ADAMTSL1: variants seen among roughly 807,000 people sequenced by gnomAD.
ADAMTSL1 encodes the protein ADAMTS like 1, also known as ADAMTS-like protein 1.
A neutral mutation model predicts 201.8 loss-of-function variants in ADAMTSL1; 126 were observed. That is an observed-to-expected ratio of 0.62 (90% CI 0.54 to 0.72). The LOEUF (loss-of-function observed/expected upper bound fraction) is 0.72, where lower values mean the gene tolerates loss of function less well. Ranked by LOEUF, ADAMTSL1 falls within the 30% of genes least tolerant of loss-of-function variation. The pLI is 0.00. For synonymous variants in ADAMTSL1, 1,121 were observed against 903.4 expected, an observed-to-expected ratio of 1.24 and a Z score of -4.32; for missense variants, 2,679 against 2,277.8, an observed-to-expected ratio of 1.18 and a Z score of -3.59.
At chr9:18,657,339 A>C (rs1828753387) in intron 7 of ADAMTSL1, among the ~76,000 whole-genome samples, 1 of 152,270 alleles carries the variant, frequency 6.6e-6, no homozygotes, top group Non-Finnish European at 1.5e-5. Flanking sequence ...TTGGAAATAA[A>C]GGACGGAAAG....
At chr9:18,882,117 C>T (rs911448361) in intron 23 of ADAMTSL1, among the ~76,000 whole-genome samples, 1 of 152,164 alleles carries the variant, frequency 6.6e-6, no homozygotes, top group Non-Finnish European at 1.5e-5. Flanking sequence ...CCATAGTGAC[C>T]AACCTAGGGG....
intron 3 of ADAMTSL1, among the ~76,000 whole-genome samples, chr9:18,570,911 T>TA (rs1420512167): frequency 6.6e-6 from 1 of 152,220 alleles, no homozygotes; most frequent in Non-Finnish European, 1.5e-5. Context: ...TAACAGGTGT[T>TA]CCTGAAGCCA....
At position 18,343,669 on chromosome 9, in the gene ADAMTSL1, A is replaced by T. The variant is rs74827873; in HGVS notation, c.208-161160A>T. On this transcript the variant is annotated intron_variant, in intron 2 of 29. Coordinates refer to the ADAMTSL1 transcript ENST00000680146. ...TTGGATAAAGAATGAGGAGATGAAAACTTATTTCAGAGCTTTGTACAGTAC... is the reference window on the plus strand; with the variant it reads ...TTGGATAAAGAATGAGGAGATGAAATCTTATTTCAGAGCTTTGTACAGTAC... Among the ~76,000 whole-genome samples, 867 of 152,188 alleles carry T rather than the reference A, an allele frequency of 5.7e-3. 9 individuals are homozygous for T. Among genetic ancestry groups the T allele is most frequent in the African/African-American group, 0.019 (801 of 41,540 alleles).
chr9:18,281,700 A>G (rs1832796289), intron 2 of ADAMTSL1, among the ~76,000 whole-genome samples: 2 of 152,184 alleles, frequency 1.3e-5, no homozygotes, highest in South Asian at 4.1e-4. Flanking sequence ...TTCCGGGACC[A>G]TTGTTTGTGT....
At chr9:17,930,052 A>G (rs561310484) in intron 1 of ADAMTSL1, among the ~76,000 whole-genome samples, 34 of 152,338 alleles carry the variant, frequency 2.2e-4, no homozygotes, top group Non-Finnish European at 4.6e-4. Flanking sequence ...TGTATACATT[A>G]TTAATTACAG....
At chr9:18,541,935 A>G (rs1335876397) in intron 3 of ADAMTSL1, among the ~76,000 whole-genome samples, 3 of 152,202 alleles carry the variant, frequency 2.0e-5, no homozygotes, top group Admixed American at 6.5e-5. Context: ...AAAAGTTTAA[A>G]AAAGCAAATT....
rs181343889 is a variant in ADAMTSL1 at position 18,688,551 on chromosome 9, G to A, written c.1574+3751G>A. 4.4e-3 allele frequency among the ~76,000 whole-genome samples: 648 copies of A among 145,908 alleles called. 3 individuals are homozygous for A. Among genetic ancestry groups the A allele is most frequent in the African/African-American group, 0.016 (619 of 39,510 alleles). ...GGCATGGTGGTGTGTGCCTATATTC[G>A]CAGCTACTCAGGAGTCTGCGGCTGG... On this transcript the variant is annotated intron_variant, in intron 13 of 28. Transcript: ENST00000380548.
intron 1 of ADAMTSL1, among the ~76,000 whole-genome samples, chr9:18,012,671 A>G (rs1035589895): frequency 1.3e-5 from 2 of 152,006 alleles, no homozygotes; most frequent in Non-Finnish European, 2.9e-5. Context: ...TGTGGTGGGT[A>G]TTAGGAAGGA....
At chr9:17,925,920 G>A (rs1442200959) in intron 1 of ADAMTSL1, among the ~76,000 whole-genome samples, 2 of 151,464 alleles carry the variant, frequency 1.3e-5, no homozygotes, top group African/African-American at 2.4e-5. Context: ...TGGAGAATAC[G>A]TGCTGCTCAA....
chr9:18,508,030 C>G (rs1817789571), intron 2 of ADAMTSL1, among the ~76,000 whole-genome samples: 1 of 151,916 alleles, frequency 6.6e-6, no homozygotes, highest in Non-Finnish European at 1.5e-5. Context: ...ACTAAAAATG[C>G]AAAAATTAGC....
chr9:18,244,538 C>T (rs1263436560), intron 2 of ADAMTSL1, among the ~76,000 whole-genome samples: 1 of 152,030 alleles, frequency 6.6e-6, no homozygotes, highest in African/African-American at 2.4e-5. Flanking sequence ...ACATTCTTGT[C>T]CTTGCTTCCT....
chr9:18,682,678 A>G (rs1437316101), intron 12 of ADAMTSL1, among the ~76,000 whole-genome samples: 1 of 152,070 alleles, frequency 6.6e-6, no homozygotes, highest in Non-Finnish European at 1.5e-5. Context: ...AACTCTTTAA[A>G]CCCCCTTTAA....
At chr9:18,248,147 T>C (rs557780460) in intron 2 of ADAMTSL1, among the ~76,000 whole-genome samples, 3 of 152,132 alleles carry the variant, frequency 2.0e-5, no homozygotes, top group Non-Finnish European at 2.9e-5. Flanking sequence ...GCTTTGAACA[T>C]TGCTAGATGC....
chr9:18,315,287 A>C (rs983960522), intron 2 of ADAMTSL1, among the ~76,000 whole-genome samples: 3 of 152,010 alleles, frequency 2.0e-5, no homozygotes, highest in Non-Finnish European at 2.9e-5. Context: ...TCAAGTCCCC[A>C]CCTGACTCAG....
At chr9:18,110,409 A>G (rs75858256) in intron 1 of ADAMTSL1, among the ~76,000 whole-genome samples, 5 of 152,258 alleles carry the variant, frequency 3.3e-5, no homozygotes, top group African/African-American at 9.6e-5. Context: ...GAGAATCTCC[A>G]TAATTCAGGC....
intron 1 of ADAMTSL1, among the ~76,000 whole-genome samples, chr9:18,074,006 G>T (rs1262914381): frequency 6.6e-6 from 1 of 151,982 alleles, no homozygotes; most frequent in East Asian, 1.9e-4. Context: ...GAAAAGGGAG[G>T]CAGTGCAGGA....
intron 4 of ADAMTSL1, among the ~76,000 whole-genome samples, chr9:18,599,996 CAAAAAA>C (rs57914274): frequency 2.8e-4 from 24 of 86,952 alleles, no homozygotes; most frequent in Non-Finnish European, 4.7e-4. Context: ...ACTAAAAATA[CAAAAAA>C]AAAAAAAAAA....
intron 15 of ADAMTSL1, among the ~76,000 whole-genome samples, chr9:18,751,280 T>TA (rs1206204421): frequency 6.6e-6 from 1 of 152,244 alleles, no homozygotes; most frequent in Non-Finnish European, 1.5e-5. Flanking sequence ...TCTATTCATT[T>TA]AAAACTTTGC....
At chr9:18,099,341 ATATATATATATATAT>A (rs1824393829) in intron 1 of ADAMTSL1, among the ~76,000 whole-genome samples, 1 of 45,438 alleles carries the variant, frequency 2.2e-5, no homozygotes, top group African/African-American at 8.0e-5. Context: ...ATATATATAT[ATATATATATATATAT>A]TTTTTTTTTT....
Sources: allele counts gnomAD v4.1 joint callset (sites outside exome capture counted in the v4.1 genomes callset), GRCh38; gene constraint gnomAD v4.1.1; transcripts MANE v1.5; gene names NCBI Gene and HGNC (gene_info 2026-07-23, HGNC 2026-07-21).